The following BDH1 variants were observed in gnomAD, a reference collection of about 807,000 sequenced individuals.
BDH1 encodes D-beta-hydroxybutyrate dehydrogenase, mitochondrial.
Under a neutral mutation model 33.1 loss-of-function variants are expected in BDH1, and 30 were observed. That is an observed-to-expected ratio of 0.91 (90% CI 0.68 to 1.23). BDH1 has a LOEUF of 1.23. Among genes scored for constraint, BDH1 ranks in the 50% most tolerant of loss-of-function variants. The probability of loss-of-function intolerance (pLI) is 0.00; values close to 1 mark genes in which losing one functional copy is unlikely to be tolerated. For missense variants in BDH1, 443 were observed against 464.4 expected (o/e 0.95, Z 0.42); for synonymous variants, 190 against 183.6 (o/e 1.03, Z -0.28).
Position 197,546,415 on chromosome 3 carries a change from A to C in BDH1, c.29T>G (p.Leu10Arg). 3.1e-6 allele frequency: 5 copies of C among 1,614,088 alleles called. No individual in the cohort carries two copies. The highest frequency in any genetic ancestry group is 4.2e-6 in the Non-Finnish European group (5 of 1,179,994). MLATRLSRP[L>R]SRLPGKTLSA... ...TAGGGTTTTTCCTGGGAGCCGTGAC[A>C]GGGGTCTGGAGAGGCGGGTGGCCAG... The change falls in exon 3 of 8, where the codon CTG becomes CGG. Residue 10 changes from leucine (L) to arginine (R), a missense_variant. Leu to Arg is a moderately radical substitution (Grantham distance 102, BLOSUM62 -2). Transcript: ENST00000392379.
chr3:197,569,772 T>A lies in BDH1; in HGVS notation c.-44+3409A>T, dbSNP rs550892321. On this transcript the variant is annotated intron_variant, in intron 1 of 6. Coordinates refer to the BDH1 transcript ENST00000358186. Reference sequence around the variant, plus strand: ...TGTGGAACTGTGAGTCCATTAAACCTCTTTTTCTTTATAAATTACTCAGTC... The same window carrying A: ...TGTGGAACTGTGAGTCCATTAAACCACTTTTTCTTTATAAATTACTCAGTC... 2.8e-3 allele frequency among the ~76,000 whole-genome samples: 424 copies of A among 152,318 alleles called. 3 individuals carry two copies. The highest frequency in any genetic ancestry group is 4.6e-3 in the Non-Finnish European group (313 of 68,024).
rs774470286 is a variant in BDH1 at position 197,532,531 on chromosome 3, CA to C, written c.157-10del. 6.2e-7 allele frequency: 1 copy of C among 1,610,052 alleles called. No individual in the cohort carries two copies. The highest frequency in any genetic ancestry group is 8.5e-7 in the Non-Finnish European group (1 of 1,176,314). ...ACAGCTTTGCTGCCAACCTGTTTTACAAGGTCAGATTCCATGTTAGGAACCG... is the reference window on the plus strand; with the variant it reads ...ACAGCTTTGCTGCCAACCTGTTTTACAGGTCAGATTCCATGTTAGGAACCG... On this transcript the variant is annotated splice_polypyrimidine_tract_variant and intron_variant, in intron 4 of 7. Coordinates refer to ENST00000392379, the MANE Select transcript of BDH1 (RefSeq NM_203314.3).
intron 1 of BDH1, among the ~76,000 whole-genome samples, chr3:197,568,766 A>G (rs2108777586): frequency 6.6e-6 from 1 of 152,230 alleles, no homozygotes; most frequent in Admixed American, 6.5e-5. Flanking sequence ...TTGATTAAAA[A>G]AAAAAACACC....
In BDH1 at chr3:197,514,238, A is replaced by G; in HGVS notation, c.562+26T>C. ...GAACACGTGGGGCAGGTTCAGGGGCAGGAGGGAGCTCCCTTTCCCACTCAC... is the reference window on the plus strand; with the variant it reads ...GAACACGTGGGGCAGGTTCAGGGGCGGGAGGGAGCTCCCTTTCCCACTCAC... On this transcript the variant is annotated intron_variant, in intron 7 of 7. Coordinates refer to ENST00000392379, the MANE Select transcript of BDH1 (RefSeq NM_203314.3). This position sits in a 1 kb window ranked among gnomAD's most constrained non-coding sequence, Gnocchi z 4.2. 1.3e-6 allele frequency: 2 copies of G among 1,599,682 alleles called. No homozygotes were observed. Among genetic ancestry groups the G allele is most frequent in the Non-Finnish European group, 1.7e-6 (2 of 1,170,848 alleles).
intron 3 of BDH1, among the ~76,000 whole-genome samples, chr3:197,540,901 C>T (rs531234667): frequency 2.0e-5 from 3 of 152,170 alleles, no homozygotes; most frequent in Non-Finnish European, 4.4e-5. Flanking sequence ...ACCTGCCCCC[C>T]CCACAGCAAT....
intron 5 of BDH1, 56 bp downstream of exon 5, chr3:197,532,356 A>G (rs1233486217): frequency 1.3e-6 from 2 of 1,507,746 alleles, no homozygotes; most frequent in East Asian, 2.3e-5. Flanking sequence ...TTAAAAGACT[A>G]AAAAACAATG....
chr3:197,514,202 T>C lies in BDH1; in HGVS notation c.562+62A>G, dbSNP rs1712424391. The C allele has an allele frequency of 6.5e-7, 1 of 1,548,842 alleles. No individual in the cohort carries two copies. On this transcript the variant is annotated intron_variant, in intron 7 of 7. Coordinates refer to ENST00000392379, the MANE Select transcript of BDH1 (RefSeq NM_203314.3). The surrounding 1 kb of genome is among the most constrained non-coding windows in gnomAD (Gnocchi z 4.2). ...GCTGCTGGGACAGGTATTTCCATTC[T>C]GAGCAAAGATGAACACGTGGGGCAG...
chr3:197,530,153 T>G (rs971741071), intron 5 of BDH1: 1 of 152,126 alleles, frequency 6.6e-6, no homozygotes, highest in Admixed American at 6.6e-5. Flanking sequence ...AAAACAACAC[T>G]GAGGTACATT....
chr3:197,533,896 ATAGG>A, intron 3 of BDH1: 1 of 321,484 alleles, frequency 3.1e-6, no homozygotes, highest in South Asian at 7.5e-5. Flanking sequence ...GATGACATGG[ATAGG>A]TAATGTTTCA....
chr3:197,540,356 C>T (rs1715500912), intron 3 of BDH1, among the ~76,000 whole-genome samples: 1 of 150,026 alleles, frequency 6.7e-6, no homozygotes, highest in South Asian at 2.1e-4. Flanking sequence ...GCCCAGCCTA[C>T]CTGACATTTT....
At position 197,540,529 on chromosome 3, in the gene BDH1, C is replaced by T. The variant is rs1046525831; in HGVS notation, c.83+5832G>A. ...ACTAAAAATACAAAAATTAGCAGGG[C>T]GTGGTGGCACACGCCTATAATCCCA... On this transcript the variant is annotated intron_variant, in intron 3 of 7. Coordinates refer to ENST00000392379, the MANE Select transcript of BDH1 (RefSeq NM_203314.3). Among the ~76,000 whole-genome samples, 12 of 151,868 alleles carry T rather than the reference C, an allele frequency of 7.9e-5. No homozygotes were observed. The South Asian group carries it at 1.3e-3, about 16-fold the overall frequency.
At chr3:197,536,730 C>T (rs1184057245) in intron 3 of BDH1, among the ~76,000 whole-genome samples, 1 of 152,132 alleles carries the variant, frequency 6.6e-6, no homozygotes, top group Non-Finnish European at 1.5e-5. Context: ...GTAATCCCAG[C>T]TCCTCGGGAG....
chr3:197,530,896 G>A (rs541525579), intron 5 of BDH1, among the ~76,000 whole-genome samples: 19 of 152,280 alleles, frequency 1.2e-4, no homozygotes, highest in African/African-American at 3.4e-4. Flanking sequence ...AACAGATAGG[G>A]GTGAGGGAAT....
intron 1 of BDH1, among the ~76,000 whole-genome samples, chr3:197,562,608 C>T (rs1306867802): frequency 6.6e-6 from 1 of 152,088 alleles, no homozygotes; most frequent in Non-Finnish European, 1.5e-5. Flanking sequence ...TGAGCCCTCT[C>T]AGAGGACATA....
chr3:197,515,319 CCAA>C (rs1411891627), intron 6 of BDH1: 8 of 985,468 alleles, frequency 8.1e-6, no homozygotes, highest in Non-Finnish European at 9.6e-6. Flanking sequence ...CCACTCTCCA[CCAA>C]AGCCTTGCGG....
In BDH1 at chr3:197,523,735, C is replaced by T. The variant is rs141144072; in HGVS notation, c.268-954G>A. 4.7e-4 allele frequency among the ~76,000 whole-genome samples: 72 copies of T among 152,020 alleles called. 1 individual carries two copies. In the East Asian group the frequency reaches 0.01, roughly 21 times the overall value. On this transcript the variant is annotated intron_variant, in intron 5 of 7. Transcript: ENST00000392379. This position sits in a 1 kb window ranked among gnomAD's most constrained non-coding sequence, Gnocchi z 4.5. Reference sequence around the variant, plus strand: ...TGACTGTGTGCTGTATGGAACCTGGCGGGAGGTGGGAGGGGCACAGGAGGG... The same window carrying T: ...TGACTGTGTGCTGTATGGAACCTGGTGGGAGGTGGGAGGGGCACAGGAGGG...
Position 197,510,534 on chromosome 3 carries a change from T to C in BDH1, c.*1361A>G, listed in dbSNP as rs1711801683. ...AGACCCTGCCTCAAGTGGCATCACT[T>C]CTTAATTGAAAAGAGGCCGAGGCGA... On this transcript the variant is annotated 3_prime_UTR_variant, in exon 8 of 8. Transcript: ENST00000392379. 1 of 151,952 alleles carries C rather than the reference T, an allele frequency of 6.6e-6. No homozygotes were observed. Among genetic ancestry groups the C allele is most frequent in the Non-Finnish European group, 1.5e-5 (1 of 68,518 alleles). The allele number at this position is 151,952 out of a possible 1,614,324, so 9.4% of individuals were successfully genotyped here. A position where few individuals can be genotyped will look rare whatever the true frequency, so the allele number is the denominator to read the frequency against.
In BDH1 at chr3:197,514,160, G is replaced by T; in HGVS notation, c.562+104C>A. 1 of 1,423,876 alleles carries T rather than the reference G, an allele frequency of 7.0e-7. No homozygotes were observed. Among genetic ancestry groups the T allele is most frequent in the East Asian group, 2.5e-5 (1 of 39,638 alleles). The allele number at this position is 1,423,876 out of a possible 1,614,324, so 88.2% of individuals were successfully genotyped here. A position where few individuals can be genotyped will look rare whatever the true frequency, so the allele number is the denominator to read the frequency against. On this transcript the variant is annotated intron_variant, in intron 7 of 7. Coordinates refer to ENST00000392379, the MANE Select transcript of BDH1 (RefSeq NM_203314.3). The surrounding 1 kb of genome is among the most constrained non-coding windows in gnomAD (Gnocchi z 4.2). ...TGGGATTCACGAGCTCACCTCTGCT[G>T]AGTTGTGGACATTGGAGCTGCTGGG...
rs1170819031 is a variant in BDH1, at chr3:197,522,083, C to T, written c.409+557G>A. Among the ~76,000 whole-genome samples, 1 of 152,192 alleles carries T rather than the reference C, an allele frequency of 6.6e-6. No individual in the cohort carries two copies. The highest frequency in any genetic ancestry group is 1.9e-4 in the East Asian group (1 of 5,192). ...AATCCCACCACTTGACCAACAGCCCCCGCTACCCTCCCCGTGCTCCTCGAA... is the reference window on the plus strand; with the variant it reads ...AATCCCACCACTTGACCAACAGCCCTCGCTACCCTCCCCGTGCTCCTCGAA... On this transcript the variant is annotated intron_variant, in intron 6 of 7. Coordinates refer to ENST00000392379, the MANE Select transcript of BDH1 (RefSeq NM_203314.3). This position sits in a 1 kb window ranked among gnomAD's most constrained non-coding sequence, Gnocchi z 4.8.
Sources: allele counts gnomAD v4.1 joint callset (sites outside exome capture counted in the v4.1 genomes callset), GRCh38; gene constraint gnomAD v4.1.1; non-coding constraint Gnocchi (gnomAD v3.1); transcripts MANE v1.5; gene names NCBI Gene and HGNC (gene_info 2026-07-23, HGNC 2026-07-21).